Variants in CPNE4 observed in about 807,000 individuals in gnomAD.
The protein encoded by CPNE4 is copine 4, also known as copine-4.
In CPNE4, 25 loss-of-function variants were observed where a neutral mutation model predicts 67.9. That is an observed-to-expected ratio of 0.37 (90% CI 0.27 to 0.51). The LOEUF (loss-of-function observed/expected upper bound fraction) is 0.51. Ranked by LOEUF, CPNE4 falls within the 20% of genes least tolerant of loss-of-function variation. The pLI is 0.93. For missense variants in CPNE4, 464 were observed against 690.8 expected (o/e 0.67, Z 3.68); for synonymous variants, 242 against 244.9 (o/e 0.99, Z 0.11).
intron 1 of CPNE4, among the ~76,000 whole-genome samples, chr3:131,978,196 AATT>A (rs1280052498): frequency 1.1e-4 from 6 of 53,056 alleles, no homozygotes; most frequent in Admixed American, 1.1e-3. Flanking sequence ...ATATATTTAT[AATT>A]ATTATATATA....
intron 2 of CPNE4, among the ~76,000 whole-genome samples, chr3:131,902,466 G>A (rs2088589534): frequency 6.6e-6 from 1 of 152,058 alleles, no homozygotes; most frequent in South Asian, 2.1e-4. Context: ...CAAGCACAAA[G>A]ATGTTTATTG....
intron 1 of CPNE4, among the ~76,000 whole-genome samples, chr3:131,960,945 G>A (rs945021649): frequency 3.3e-5 from 5 of 152,286 alleles, no homozygotes; most frequent in Non-Finnish European, 7.4e-5. Flanking sequence ...TGCTGTCTCA[G>A]TGTAATTGGT....
At chr3:131,596,126 C>T (rs977215705) in intron 7 of CPNE4, among the ~76,000 whole-genome samples, 1 of 151,874 alleles carries the variant, frequency 6.6e-6, no homozygotes, top group South Asian at 2.1e-4. Context: ...GTGAGTAGAT[C>T]TCATTTTAAG....
intron 1 of CPNE4, among the ~76,000 whole-genome samples, chr3:131,983,218 A>C (rs1225298306): frequency 6.6e-6 from 1 of 152,266 alleles, no homozygotes; most frequent in Admixed American, 6.5e-5. Context: ...TATTTGTCAA[A>C]GTTTATTGAA....
chr3:131,669,786 T>C (rs371008852), intron 6 of CPNE4, 22 bp from the exon 7 acceptor site: 29 of 1,561,354 alleles, frequency 1.9e-5, no homozygotes, highest in Non-Finnish European at 2.6e-5. Context: ...AAGAGAGGAG[T>C]GGTGAGTGGG....
intron 1 of CPNE4, among the ~76,000 whole-genome samples, chr3:131,940,547 T>G (rs1210173842): frequency 3.3e-5 from 5 of 152,002 alleles, no homozygotes; most frequent in Non-Finnish European, 1.5e-5. Context: ...TAGTTGAAAA[T>G]AAATAAAACA....
chr3:131,612,235 G>C (rs140379781), intron 7 of CPNE4, among the ~76,000 whole-genome samples: 2 of 152,036 alleles, frequency 1.3e-5, no homozygotes, highest in Non-Finnish European at 2.9e-5. Flanking sequence ...TTAGCCAGGC[G>C]TGGTGGCGGG....
At chr3:131,775,390 T>C (rs2083268160) in intron 2 of CPNE4, among the ~76,000 whole-genome samples, 1 of 152,224 alleles carries the variant, frequency 6.6e-6, no homozygotes, top group East Asian at 1.9e-4. Context: ...ACAATAAATG[T>C]CCAAAAGATG....
chr3:131,973,764 A>C (rs181000614), intron 1 of CPNE4, among the ~76,000 whole-genome samples: 132 of 152,332 alleles, frequency 8.7e-4, no homozygotes, highest in African/African-American at 3.1e-3. Flanking sequence ...AATGGGCATG[A>C]ATTTTTATCT....
Position 131,551,559 on chromosome 3 carries a change from T to G in CPNE4, c.1168+881A>C, listed in dbSNP as rs146970226. On this transcript the variant is annotated intron_variant, in intron 13 of 15. Transcript: ENST00000429747. Reference sequence around the variant, plus strand: ...TAATAAACTGAGGATGAAGAATACATTAGTGGAAAAAATGGCAGAATGGAG... The same window carrying G: ...TAATAAACTGAGGATGAAGAATACAGTAGTGGAAAAAATGGCAGAATGGAG... 7.5e-3 allele frequency among the ~76,000 whole-genome samples: 1,139 copies of G among 152,086 alleles called. 15 individuals carry two copies. Among genetic ancestry groups the G allele is most frequent in the Middle Eastern group, 0.072 (21 of 292 alleles).
chr3:132,030,081 C>A (rs184324740), intron 1 of CPNE4, among the ~76,000 whole-genome samples: 18 of 151,852 alleles, frequency 1.2e-4, no homozygotes, highest in African/African-American at 4.1e-4. Context: ...AGTCCCAAGC[C>A]TACTCCTCCT....
chr3:132,028,098 G>A (rs1228715510), intron 1 of CPNE4, among the ~76,000 whole-genome samples: 1 of 152,164 alleles, frequency 6.6e-6, no homozygotes. Flanking sequence ...CATGGTGCAA[G>A]TTGATTAGAT....
intron 1 of CPNE4, among the ~76,000 whole-genome samples, chr3:131,906,434 A>G (rs1246150307): frequency 8.6e-5 from 10 of 116,112 alleles, no homozygotes; most frequent in Admixed American, 7.3e-4. Context: ...TCCCCAGAGT[A>G]TGATGTTGCC....
At position 131,843,961 on chromosome 3, in the gene CPNE4, C is replaced by A. The variant is rs1230357537; in HGVS notation, c.180+61303G>T. On this transcript the variant is annotated intron_variant, in intron 2 of 15. Transcript: ENST00000429747. The stretch of plus-strand genomic sequence containing the variant: ...TAAATATGGCCTTAACACACACAAC[C>A]AAATGTCCCTTGGATAGAGCTGCTA... Among the ~76,000 whole-genome samples the A allele has an allele frequency of 3.9e-5, 6 of 152,242 alleles. No homozygotes were observed. In the East Asian group the frequency reaches 7.7e-4, roughly 20 times the overall value.
chr3:131,868,318 C>G lies in CPNE4; in HGVS notation c.180+36946G>C, dbSNP rs76304191. On this transcript the variant is annotated intron_variant, in intron 2 of 15. Transcript: ENST00000429747. ...CACCGTTACAATTTTCAGAAAGGCC[C>G]TTAAAGAGAGGCAGGCATGCATATC... Among the ~76,000 whole-genome samples, 420 of 152,270 alleles carry G rather than the reference C, an allele frequency of 2.8e-3. 11 individuals are homozygous for G. In the East Asian group the frequency reaches 0.038, roughly 14 times the overall value.
intron 2 of CPNE4, among the ~76,000 whole-genome samples, chr3:131,761,210 C>T (rs951821567): frequency 8.4e-6 from 1 of 119,462 alleles, no homozygotes; most frequent in African/African-American, 3.2e-5. Context: ...TCACTTCGTA[C>T]TTTTTTTTTT....
intron 6 of CPNE4, among the ~76,000 whole-genome samples, chr3:131,672,566 T>G (rs914184769): frequency 6.6e-6 from 1 of 152,200 alleles, no homozygotes; most frequent in African/African-American, 2.4e-5. Context: ...AGTTTTGTTT[T>G]GCATATCTCT....
intron 2 of CPNE4, among the ~76,000 whole-genome samples, chr3:131,760,909 G>A (rs538599903): frequency 1.5e-3 from 229 of 152,166 alleles, no homozygotes; most frequent in Non-Finnish European, 2.1e-3. Context: ...ATATGAGCTC[G>A]GTCAAAGCAA....
chr3:131,739,097 C>T (rs993172426), intron 2 of CPNE4, among the ~76,000 whole-genome samples: 3 of 152,104 alleles, frequency 2.0e-5, no homozygotes, highest in Non-Finnish European at 2.9e-5. Flanking sequence ...TTTTATACTT[C>T]GAAGTCATGG....
Sources: allele counts gnomAD v4.1 joint callset (sites outside exome capture counted in the v4.1 genomes callset), GRCh38; gene constraint gnomAD v4.1.1; transcripts MANE v1.5; gene names NCBI Gene and HGNC (gene_info 2026-07-23, HGNC 2026-07-21).